SLC22A9: variants seen among roughly 807,000 people sequenced by gnomAD.
SLC22A9 encodes solute carrier family 22 member 9.
SLC22A9 carries 64 observed loss-of-function variants against 50.1 expected under a neutral mutation model. The observed-to-expected ratio is 1.28, with a 90% confidence interval of 1.04 to 1.57. The LOEUF (loss-of-function observed/expected upper bound fraction) is 1.57, where lower values mean the gene tolerates loss of function less well. SLC22A9 is among the 40% of genes most tolerant of loss of function. SLC22A9 has a pLI of 0.00. For missense variants in SLC22A9, 757 were observed against 676.1 expected (o/e 1.12, Z -1.33); for synonymous variants, 261 against 242.5 (o/e 1.08, Z -0.71).
In SLC22A9 at chr11:63,375,683, A is replaced by G. The variant is rs766071857; in HGVS notation, c.869A>G (p.Asn290Ser). ...TCTGCTCGGTGGCTCATTATCAACAATAAACCAGAGGAAGGCTTAAAGGAA... is the reference window on the plus strand; with the variant it reads ...TCTGCTCGGTGGCTCATTATCAACAGTAAACCAGAGGAAGGCTTAAAGGAA... ...LESARWLIIN[N>S]KPEEGLKELR... Residue 290 changes from asparagine (N) to serine (S), a missense_variant, in exon 5 of 10, where the codon AAT (asparagine) becomes AGT (serine). Transcript: ENST00000279178. The G allele has an allele frequency of 3.7e-6, 6 of 1,612,742 alleles. No homozygotes were observed. Among genetic ancestry groups the G allele is most frequent in the Non-Finnish European group, 5.1e-6 (6 of 1,179,162 alleles).
chr11:63,375,912 T>G, intron 5 of SLC22A9, 144 bp downstream of exon 5: 1 of 1,054,114 alleles, frequency 9.5e-7, no homozygotes, highest in South Asian at 1.8e-5. Context: ...TCATTTTTAA[T>G]GGGCTTCAAT....
chr11:63,393,788 T>G (rs2014805455), intron 6 of SLC22A9, among the ~76,000 whole-genome samples: 1 of 152,134 alleles, frequency 6.6e-6, no homozygotes, highest in Admixed American at 6.6e-5. Context: ...GGGTTACTCT[T>G]CTTGAGGAGT....
intron 2 of SLC22A9, 23 bp downstream of exon 2, chr11:63,371,261 T>C: frequency 6.5e-7 from 1 of 1,533,072 alleles, no homozygotes; most frequent in Non-Finnish European, 9.0e-7. Flanking sequence ...GGAACACAGC[T>C]CTCTTTAAGG....
At chr11:63,370,480 T>C (rs113747568) in intron 1 of SLC22A9, 22 bp downstream of exon 1, 74,635 of 1,543,650 alleles carry the variant, frequency 0.048, 2,057 homozygotes, top group Non-Finnish European at 0.058. Context: ...TGTTCTCGTC[T>C]CATGAGTATG....
chr11:63,402,221 TTC>T (rs1182359436), intron 6 of SLC22A9, among the ~76,000 whole-genome samples: 1 of 152,138 alleles, frequency 6.6e-6, no homozygotes, highest in Non-Finnish European at 1.5e-5. Context: ...TCCTCTTTTC[TTC>T]TGTGTTTTTA....
chr11:63,381,490 ATC>A (rs1469739256), intron 5 of SLC22A9, among the ~76,000 whole-genome samples: 2 of 152,052 alleles, frequency 1.3e-5, no homozygotes, highest in African/African-American at 4.8e-5. Context: ...CCTGAATATG[ATC>A]TCTTTCTAAA....
chr11:63,396,367 T>A (rs511686), intron 6 of SLC22A9, among the ~76,000 whole-genome samples: 1 of 152,280 alleles, frequency 6.6e-6, no homozygotes, highest in East Asian at 1.9e-4. Context: ...CCAGGGCCTT[T>A]CCTGCTGCTT....
intron 6 of SLC22A9, among the ~76,000 whole-genome samples, 154 bp from the exon 7 acceptor site, chr11:63,406,343 T>C (rs1020169812): frequency 6.6e-6 from 1 of 152,226 alleles, no homozygotes. Flanking sequence ...ACTTAATAGA[T>C]TTCTTTAAAT....
chr11:63,386,850 TTTTTG>T (rs1324157309), intron 6 of SLC22A9, among the ~76,000 whole-genome samples: 6 of 149,262 alleles, frequency 4.0e-5, no homozygotes, highest in South Asian at 2.1e-4. Context: ...TTTGTTTTGT[TTTTTG>T]TTTTGTTTTG....
chr11:63,400,004 T>C (rs928147408), intron 6 of SLC22A9, among the ~76,000 whole-genome samples: 3 of 151,888 alleles, frequency 2.0e-5, no homozygotes, highest in African/African-American at 7.2e-5. Context: ...GGAAACACAA[T>C]ATACCAAACC....
Position 63,408,737 on chromosome 11 carries a change from A to G in SLC22A9, c.1459A>G (p.Met487Val). The G allele has an allele frequency of 1.9e-6, 3 of 1,613,998 alleles. No homozygotes were observed. Among genetic ancestry groups the G allele is most frequent in the Non-Finnish European group, 2.5e-6 (3 of 1,179,942 alleles). Residue 487 changes from methionine to valine, a missense_variant, in exon 9 of 10, where the codon ATG becomes GTG. Physicochemically the swap from Met to Val is conservative, Grantham distance 21. Transcript: ENST00000279178. ...TATAGCAGGAGCCCTGGCTCCCCTC[A>G]TGATGATCCTAAGTGTGTATTCTCC... ...ANIAGALAPL[M>V]MILSVYSPPL...
chr11:63,382,068 C>T (rs1455105208), intron 5 of SLC22A9, 91 bp from the exon 6 acceptor site: 2 of 813,210 alleles, frequency 2.5e-6, no homozygotes, highest in Non-Finnish European at 3.9e-6. Context: ...GTGCAGTCAA[C>T]TCACTTCTCA....
Position 63,410,257 on chromosome 11 carries a change from A to AAAAAAAAAAAGAAAGAAAG in SLC22A9, c.*398_*399insAAAAAAAGAAAGAAAGAAA. 9.2e-6 allele frequency: 1 copy of AAAAAAAAAAAGAAAGAAAG among 108,468 alleles called. No homozygotes were observed. 6.7% of individuals were successfully genotyped at this position (108,468 alleles called of 1,614,324 possible). ...CTGTCTCAAAAAAAAAAAAAAAAAA[A>AAAAAAAAAAAGAAAGAAAG]AAAGAAAGAAGGAAAGAAAGAAAGA... On this transcript the variant is annotated 3_prime_UTR_variant, in exon 10 of 10. Transcript: ENST00000279178.
At chr11:63,372,420 G>A (rs909902637) in intron 2 of SLC22A9, among the ~76,000 whole-genome samples, 4 of 152,068 alleles carry the variant, frequency 2.6e-5, no homozygotes, top group African/African-American at 4.8e-5. Flanking sequence ...AGTACTGTCT[G>A]CAATAAGGTG....
At chr11:63,385,826 C>T (rs866725412) in intron 6 of SLC22A9, among the ~76,000 whole-genome samples, 1 of 152,118 alleles carries the variant, frequency 6.6e-6, no homozygotes, top group Non-Finnish European at 1.5e-5. Flanking sequence ...ACTTCCAATG[C>T]TATGTTGAAT....
chr11:63,373,644 G>GT lies in SLC22A9; in HGVS notation c.510dup (p.Gly171TrpfsTer121). On this transcript the variant is annotated frameshift_variant and splice_region_variant, in exon 3 of 10. Coordinates refer to ENST00000279178, the MANE Select transcript of SLC22A9 (RefSeq NM_080866.3). LOFTEE classifies it high-confidence loss of function. ...TATCTAACCTGTTTCTGTTTCTCAG[G>GT]TTTGGGAGAAGGTTCGTGCTCAGAT... is the stretch of plus-strand genomic sequence containing the variant. 6.5e-7 allele frequency: 1 copy of GT among 1,546,120 alleles called. No homozygotes were observed. Among genetic ancestry groups the GT allele is most frequent in the Non-Finnish European group, 8.7e-7 (1 of 1,151,712 alleles).
rs2014661756 is a variant in SLC22A9, at chr11:63,386,162, GC to G, written c.1073+3886del. On this transcript the variant is annotated intron_variant, in intron 6 of 9. Coordinates refer to ENST00000279178, the MANE Select transcript of SLC22A9 (RefSeq NM_080866.3). ...AAGCCGACTTCATCGGGGTTAATAA[GC>G]TTTTTTGTGTGCTGCTGGATTCAGT... 2.0e-5 allele frequency among the ~76,000 whole-genome samples: 3 copies of G among 152,088 alleles called. 1 individual carries two copies. The highest frequency in any genetic ancestry group is 4.1e-4 in the South Asian group (2 of 4,830).
At chr11:63,379,235 TC>T (rs1331992006) in intron 5 of SLC22A9, among the ~76,000 whole-genome samples, 1 of 152,138 alleles carries the variant, frequency 6.6e-6, no homozygotes, top group Non-Finnish European at 1.5e-5. Context: ...AACCATCTGT[TC>T]ATCAATGAAG....
At chr11:63,372,612 A>G (rs1240122731) in intron 2 of SLC22A9, among the ~76,000 whole-genome samples, 1 of 152,140 alleles carries the variant, frequency 6.6e-6, no homozygotes, top group Non-Finnish European at 1.5e-5. Flanking sequence ...CAGTTTGGGT[A>G]AGACTGACAT....
Sources: gnomAD v4.1 joint callset for allele counts (sites outside exome capture counted in the v4.1 genomes callset) on GRCh38, gnomAD v4.1.1 for gene constraint, MANE v1.5 for transcripts, NCBI Gene and HGNC (gene_info 2026-07-23, HGNC 2026-07-21) for gene names.